The following PHLDB2 variants were observed in gnomAD, a reference collection of about 807,000 sequenced individuals.
The protein encoded by PHLDB2 is pleckstrin homology like domain family B member 2, also known as pleckstrin homology-like domain family B member 2.
In PHLDB2, 71 loss-of-function variants were observed where a neutral mutation model predicts 123.6. That is an observed-to-expected ratio of 0.57 (90% CI 0.47 to 0.70). The LOEUF is 0.70. Among genes scored for constraint, PHLDB2 ranks in the 30% least tolerant of loss-of-function variants. The probability of loss-of-function intolerance (pLI) is 0.00; values close to 1 mark genes in which losing one functional copy is unlikely to be tolerated. For missense variants in PHLDB2, 1,446 were observed against 1,519.5 expected (o/e 0.95, Z 0.80); for synonymous variants, 547 against 541.6 (o/e 1.01, Z -0.14).
At chr3:111,891,167 T>C (rs935870772) in intron 2 of PHLDB2, among the ~76,000 whole-genome samples, 10 of 152,152 alleles carry the variant, frequency 6.6e-5, no homozygotes, top group Non-Finnish European at 1.5e-4. Context: ...GCTGATTCTT[T>C]GACAAATTAG....
intron 1 of PHLDB2, among the ~76,000 whole-genome samples, chr3:111,773,816 A>G (rs567455835): frequency 6.6e-6 from 1 of 152,338 alleles, no homozygotes; most frequent in South Asian, 2.1e-4. Flanking sequence ...GCCAGGTCTT[A>G]TTGGATCTTT....
intron 2 of PHLDB2, among the ~76,000 whole-genome samples, chr3:111,894,318 C>T (rs984778601): frequency 7.9e-5 from 12 of 151,922 alleles, no homozygotes; most frequent in Non-Finnish European, 1.5e-4. Flanking sequence ...CATTGTTGGA[C>T]ATTTGGGTTG....
chr3:111,898,365 T>G (rs2066995134), intron 2 of PHLDB2, among the ~76,000 whole-genome samples: 1 of 152,026 alleles, frequency 6.6e-6, no homozygotes, highest in Admixed American at 6.6e-5. Flanking sequence ...ACATTTTTGG[T>G]AGAGACACGG....
At chr3:111,920,924 G>A (rs1453156531) in intron 5 of PHLDB2, among the ~76,000 whole-genome samples, 1 of 152,192 alleles carries the variant, frequency 6.6e-6, no homozygotes, top group African/African-American at 2.4e-5. Flanking sequence ...CAATGCAAGT[G>A]CACTGCTTTT....
chr3:111,851,975 A>G (rs1265885204), intron 2 of PHLDB2, among the ~76,000 whole-genome samples: 2 of 151,654 alleles, frequency 1.3e-5, no homozygotes, highest in East Asian at 3.9e-4. Context: ...TTCAATATGA[A>G]ACTCACATAT....
Position 111,947,961 on chromosome 3 carries a change from TG to T in PHLDB2, c.2488-970del, listed in dbSNP as rs1453700055. ...CTCAATTTCAGCTTTAAAAGAGAGG[TG>T]TTATTTTATATAGCTTTTTCACACT... is the stretch of plus-strand genomic sequence containing the variant. On this transcript the variant is annotated intron_variant, in intron 9 of 17. Coordinates refer to ENST00000431670, the MANE Select transcript of PHLDB2 (RefSeq NM_001134438.2). 1.6e-4 allele frequency among the ~76,000 whole-genome samples: 25 copies of T among 152,110 alleles called. 1 individual carries two copies. Among genetic ancestry groups the T allele is most frequent in the Non-Finnish European group, 3.4e-4 (23 of 68,012 alleles).
At chr3:111,936,472 AGTTTTTT>A (rs1355756315) in intron 6 of PHLDB2, among the ~76,000 whole-genome samples, 1 of 152,080 alleles carries the variant, frequency 6.6e-6, no homozygotes, top group Non-Finnish European at 1.5e-5. Context: ...TCTCCCTAAT[AGTTTTTT>A]GTTTAAGATG....
intron 1 of PHLDB2, among the ~76,000 whole-genome samples, chr3:111,844,207 G>C (rs2063831862): frequency 1.3e-5 from 2 of 151,926 alleles, no homozygotes; most frequent in South Asian, 4.2e-4. Flanking sequence ...CAGCCTATGA[G>C]ACAGTTTGCC....
In PHLDB2 at chr3:111,966,527, G is replaced by GTGTGT. The variant is rs1222251851; in HGVS notation, c.3078-86_3078-85insTGTGT. 2.9e-3 allele frequency: 1,802 copies of GTGTGT among 618,514 alleles called. 31 individuals are homozygous for GTGTGT. The African/African-American group carries it at 0.032, about 11-fold the overall frequency. The allele number at this position is 618,514 out of a possible 1,614,324, so 38.3% of individuals were successfully genotyped here. A position where few individuals can be genotyped will look rare whatever the true frequency, so the allele number is the denominator to read the frequency against. On this transcript the variant is annotated intron_variant, in intron 13 of 17. Transcript: ENST00000431670. Reference sequence around the variant, plus strand: ...TGTGTGTGTGTGTGTGTGTGTCTGGGGTGTGTGTGTGTGTGTGTGTGTATG... The same window carrying GTGTGT: ...TGTGTGTGTGTGTGTGTGTGTCTGGGTGTGTGTGTGTGTGTGTGTGTGTGTGTATG...
chr3:111,818,483 A>G (rs2108382987), intron 1 of PHLDB2, among the ~76,000 whole-genome samples: 1 of 152,212 alleles, frequency 6.6e-6, no homozygotes, highest in South Asian at 2.1e-4. Flanking sequence ...TTGTTCAAGA[A>G]CTCTAGGAAC....
At chr3:111,971,099 C>CTA (rs1553756496) in intron 16 of PHLDB2, among the ~76,000 whole-genome samples, 1 of 152,176 alleles carries the variant, frequency 6.6e-6, no homozygotes, top group Non-Finnish European at 1.5e-5. Flanking sequence ...CTTTGCCTCT[C>CTA]TAAGGCTTTT....
chr3:111,885,791 G>A, intron 2 of PHLDB2: 1 of 578,866 alleles, frequency 1.7e-6, no homozygotes, highest in Non-Finnish European at 3.0e-6. Context: ...GCTTGTGTAT[G>A]GTTATGAGAA....
At chr3:111,931,171 G>T (rs2069129526) in intron 5 of PHLDB2, among the ~76,000 whole-genome samples, 1 of 152,200 alleles carries the variant, frequency 6.6e-6, no homozygotes, top group Non-Finnish European at 1.5e-5. Flanking sequence ...GGAATATAAG[G>T]AAGGGAAGGT....
chr3:111,884,449 A>G lies in PHLDB2; in HGVS notation c.372A>G (p.Gly124=), dbSNP rs753367050. The stretch of plus-strand genomic sequence containing the variant: ...CCTCCCTCAGTGGATATCCACTTGG[A>G]AGAGCAGACTTTGATCATTATACTG... ...TTSSLSGYPL[G]RADFDHYTGR... The change falls in exon 2 of 18, where the codon GGA becomes GGG. Residue 124 remains glycine, a synonymous_variant. Transcript: ENST00000431670. 2 of 1,614,200 alleles carry G rather than the reference A, an allele frequency of 1.2e-6. No homozygotes were observed. The highest frequency in any genetic ancestry group is 1.7e-6 in the Non-Finnish European group (2 of 1,180,028).
intron 1 of PHLDB2, among the ~76,000 whole-genome samples, chr3:111,751,168 GGTGTGTGTGTGTGTGTGTGTGT>G (rs35962012): frequency 1.4e-5 from 2 of 144,046 alleles, no homozygotes; most frequent in Non-Finnish European, 3.0e-5. Context: ...GAGACAATGG[GGTGTGTGTGTGTGTGTGTGTGT>G]GTGTGTGTGT....
At chr3:111,830,284 T>G (rs1466398860) in intron 1 of PHLDB2, among the ~76,000 whole-genome samples, 1 of 152,156 alleles carries the variant, frequency 6.6e-6, no homozygotes, top group East Asian at 1.9e-4. Context: ...AAGCATATAT[T>G]GCTTAATAAG....
At chr3:111,829,927 AACACACACACACACAC>A (rs72357648) in intron 1 of PHLDB2, among the ~76,000 whole-genome samples, 128 of 136,012 alleles carry the variant, frequency 9.4e-4, no homozygotes, top group Admixed American at 8.2e-4. Flanking sequence ...AACTATTCAA[AACACACACACACACAC>A]ACACACACAC....
At chr3:111,746,199 C>G (rs1350547877) in intron 1 of PHLDB2, among the ~76,000 whole-genome samples, 1 of 152,152 alleles carries the variant, frequency 6.6e-6, no homozygotes, top group East Asian at 1.9e-4. Flanking sequence ...ATTCAAGAAA[C>G]TTTCACTCTT....
intron 1 of PHLDB2, among the ~76,000 whole-genome samples, chr3:111,829,614 C>A (rs1363474576): frequency 6.6e-6 from 1 of 151,786 alleles, no homozygotes; most frequent in Non-Finnish European, 1.5e-5. Flanking sequence ...CAGGCACATG[C>A]CACCACGCCC....
Sources: gnomAD v4.1 joint callset for allele counts (sites outside exome capture counted in the v4.1 genomes callset) on GRCh38, gnomAD v4.1.1 for gene constraint, MANE v1.5 for transcripts, NCBI Gene and HGNC (gene_info 2026-07-23, HGNC 2026-07-21) for gene names.